Variants in FGFR2 observed in about 807,000 individuals in gnomAD.
FGFR2 encodes the protein fibroblast growth factor receptor 2.
Under a neutral mutation model 95.9 loss-of-function variants are expected in FGFR2, and 19 were observed. That is an observed-to-expected ratio of 0.20 (90% CI 0.14 to 0.29). The LOEUF (loss-of-function observed/expected upper bound fraction) is 0.29. Ranked by LOEUF, FGFR2 falls within the 10% of genes least tolerant of loss-of-function variation. FGFR2 has a pLI of 1.00. For synonymous variants in FGFR2, 392 were observed against 393.3 expected (o/e 1.00, Z 0.04); for missense variants, 707 against 1,056.9 (o/e 0.67, Z 4.59).
rs1844358639 is a variant in FGFR2 at position 121,479,213 on chromosome 10, A to G, written c.*644T>C. On this transcript the variant is annotated 3_prime_UTR_variant, in exon 18 of 18. Transcript: ENST00000358487. ...TAAATTACAAAAAAAACTATAAATGATTAATTGTTTTGTATATTACCAATT... is the reference window on the plus strand; with the variant it reads ...TAAATTACAAAAAAAACTATAAATGGTTAATTGTTTTGTATATTACCAATT... 4.3e-6 allele frequency: 1 copy of G among 231,500 alleles called. No individual in the cohort carries two copies. The highest frequency in any genetic ancestry group is 1.8e-4 in the South Asian group (1 of 5,498). 14.3% of individuals were successfully genotyped at this position (231,500 alleles called of 1,614,324 possible).
intron 12 of FGFR2, among the ~76,000 whole-genome samples, chr10:121,497,130 C>CAAAA (rs35537265): frequency 1.1e-4 from 10 of 91,430 alleles, no homozygotes; most frequent in South Asian, 8.1e-4. Flanking sequence ...GACTTTGTCT[C>CAAAA]AAAAAAAAAA....
intron 1 of FGFR2, among the ~76,000 whole-genome samples, chr10:121,595,201 T>C (rs1863235722): frequency 6.6e-6 from 1 of 152,242 alleles, no homozygotes. Flanking sequence ...ATTTTTTATG[T>C]ACCCACTCGA....
chr10:121,594,921 C>T (rs2135500760), intron 1 of FGFR2, among the ~76,000 whole-genome samples: 1 of 152,340 alleles, frequency 6.6e-6, no homozygotes, highest in South Asian at 2.1e-4. Flanking sequence ...AGAGGACACT[C>T]AACTTAATAT....
At position 121,479,570 on chromosome 10, in the gene FGFR2, C is replaced by G. The variant is rs747422874; in HGVS notation, c.*287G>C. On this transcript the variant is annotated 3_prime_UTR_variant, in exon 18 of 18. Transcript: ENST00000358487. ...TAACAAGGAAGGCAGAACGCACGTC[C>G]ACCTTGAGTCCTACTGGTCCACAGC... 8.5e-6 allele frequency: 13 copies of G among 1,537,224 alleles called. No homozygotes were observed. In the African/African-American group the frequency reaches 1.4e-4, roughly 16 times the overall value.
rs543133325 is a variant in FGFR2, at chr10:121,561,388, C to T, written c.454+3114G>A. Among the ~76,000 whole-genome samples, 4 of 149,114 alleles carry T rather than the reference C, an allele frequency of 2.7e-5. No individual in the cohort carries two copies. In the East Asian group the frequency reaches 6.0e-4, roughly 22 times the overall value. ...GCGGTGAGCTGAGATCGCACCATTGCGCTCCAGCCTGGGCAACAAGAGCGA... is the reference window on the plus strand; with the variant it reads ...GCGGTGAGCTGAGATCGCACCATTGTGCTCCAGCCTGGGCAACAAGAGCGA... On this transcript the variant is annotated intron_variant, in intron 4 of 17. Transcript: ENST00000358487.
At chr10:121,535,150 G>C (rs554361282) in intron 6 of FGFR2, among the ~76,000 whole-genome samples, 2 of 152,108 alleles carry the variant, frequency 1.3e-5, no homozygotes, top group Non-Finnish European at 1.5e-5. Flanking sequence ...TACAAGCCAA[G>C]GACAGCTACC....
chr10:121,535,022 G>A (rs1039195747), intron 6 of FGFR2, among the ~76,000 whole-genome samples: 4 of 152,062 alleles, frequency 2.6e-5, no homozygotes, highest in African/African-American at 9.7e-5. Context: ...CTGGATTTAC[G>A]GTGGGCCCTA....
chr10:121,572,320 C>G (rs1858932275), intron 2 of FGFR2, among the ~76,000 whole-genome samples: 1 of 151,894 alleles, frequency 6.6e-6, no homozygotes, highest in Non-Finnish European at 1.5e-5. Flanking sequence ...GAGAACCTGT[C>G]TCCAAAAATA....
At chr10:121,514,789 C>A (rs1849476401) in intron 9 of FGFR2, among the ~76,000 whole-genome samples, 1 of 152,212 alleles carries the variant, frequency 6.6e-6, no homozygotes, top group South Asian at 2.1e-4. Flanking sequence ...GTGGCTAAAG[C>A]TTCGAAGAGA....
chr10:121,527,223 G>A (rs1354539097), intron 6 of FGFR2, among the ~76,000 whole-genome samples: 1 of 152,206 alleles, frequency 6.6e-6, no homozygotes, highest in Non-Finnish European at 1.5e-5. Context: ...GTTACAGGCT[G>A]TATTATTTGG....
intron 5 of FGFR2, among the ~76,000 whole-genome samples, chr10:121,541,999 G>A (rs1853832657): frequency 6.6e-6 from 1 of 152,154 alleles, no homozygotes; most frequent in African/African-American, 2.4e-5. Flanking sequence ...GCAAAAAACT[G>A]TCAAGGAGAG....
rs760754432 is a variant in FGFR2, at chr10:121,487,337, A to T, written c.2057+17T>A. ...GCTCAAGCCCAGGAAAAAGCCAGAG[A>T]AAAGAGAGTTACTCACACATCACTC... On this transcript the variant is annotated intron_variant, in intron 15 of 17. Transcript: ENST00000358487. 4.4e-6 allele frequency: 7 copies of T among 1,606,880 alleles called. No homozygotes were observed. Among genetic ancestry groups the T allele is most frequent in the Admixed American group, 1.7e-5 (1 of 59,976 alleles).
At chr10:121,578,515 G>C (rs1353156235) in intron 2 of FGFR2, among the ~76,000 whole-genome samples, 1 of 152,248 alleles carries the variant, frequency 6.6e-6, no homozygotes, top group African/African-American at 2.4e-5. Context: ...AAAGGTGTAC[G>C]GAGAGGGACT....
intron 6 of FGFR2, chr10:121,526,850 T>C: frequency 2.5e-6 from 1 of 398,442 alleles, no homozygotes; most frequent in Non-Finnish European, 4.4e-6. Context: ...CACCCAGGTG[T>C]CCGCATCTTC....
intron 7 of FGFR2, among the ~76,000 whole-genome samples, chr10:121,519,745 T>TCCAAGTTTAGTAGTTCTTCC (rs1394970183): frequency 2.0e-5 from 3 of 152,240 alleles, no homozygotes; most frequent in Non-Finnish European, 4.4e-5. Context: ...CTATTCTCTC[T>TCCAAGTTTAGTAGTTCTTCC]CCAAGTTTAG....
chr10:121,522,279 C>T (rs1339766486), intron 6 of FGFR2, among the ~76,000 whole-genome samples: 2 of 152,200 alleles, frequency 1.3e-5, no homozygotes, highest in South Asian at 2.1e-4. Flanking sequence ...AGACCAGGCG[C>T]AGTGGTTCAT....
At chr10:121,516,448 C>T (rs1456848114) in intron 8 of FGFR2, among the ~76,000 whole-genome samples, 1 of 152,120 alleles carries the variant, frequency 6.6e-6, no homozygotes, top group East Asian at 1.9e-4. Context: ...AAAAATGAAA[C>T]GATCTATTTT....
At chr10:121,480,181 G>A in intron 17 of FGFR2, 160 bp from the exon 18 acceptor site, 1 of 854,892 alleles carries the variant, frequency 1.2e-6, no homozygotes, top group South Asian at 1.3e-5. Flanking sequence ...TTGGACGTGG[G>A]ACAGGACAGG....
At chr10:121,515,639 G>T (rs902878296) in intron 8 of FGFR2, among the ~76,000 whole-genome samples, 1 of 151,952 alleles carries the variant, frequency 6.6e-6, no homozygotes, top group African/African-American at 2.4e-5. Context: ...TACCCACAAT[G>T]AAAGGATTAT....
Sources: allele counts gnomAD v4.1 joint callset (sites outside exome capture counted in the v4.1 genomes callset), GRCh38; gene constraint gnomAD v4.1.1; transcripts MANE v1.5; gene names NCBI Gene and HGNC (gene_info 2026-07-23, HGNC 2026-07-21).